The following TRPM7 variants were observed in gnomAD, a reference collection of about 807,000 sequenced individuals.
TRPM7 encodes transient receptor potential cation channel subfamily M member 7, also known as LTRPC ion channel family member 7.
TRPM7 carries 134 observed loss-of-function variants against 229.7 expected under a neutral mutation model. The ratio of observed to expected loss-of-function variants is 0.58; its 90% confidence interval spans 0.51 to 0.67. TRPM7 has a LOEUF of 0.67. TRPM7 is among the 30% of genes least tolerant of loss of function. TRPM7 has a pLI of 0.00. For missense variants in TRPM7, 1,901 were observed against 2,210.0 expected, an observed-to-expected ratio of 0.86 and a Z score of 2.80; for synonymous variants, 699 against 715.2, an observed-to-expected ratio of 0.98 and a Z score of 0.36.
At position 50,679,132 on chromosome 15, in the gene TRPM7, AAAG is replaced by A. The variant is rs1259177223; in HGVS notation, c.3+7396_3+7398del. 2.8e-4 allele frequency among the ~76,000 whole-genome samples: 41 copies of A among 145,958 alleles called. 4 individuals are homozygous for A. Among genetic ancestry groups the A allele is most frequent in the African/African-American group, 9.2e-4 (36 of 38,966 alleles). On this transcript the variant is annotated intron_variant, in intron 1 of 38. Transcript: ENST00000646667. ...GGTGATCCACCCGCCTCAGCCTTCC[AAAG>A]TGCTGGGATTACAGGCATTAACCAC...
chr15:50,578,806 C>A, intron 30 of TRPM7, 142 bp from the exon 31 acceptor site: 1 of 397,576 alleles, frequency 2.5e-6, no homozygotes. Flanking sequence ...GAATATTTGC[C>A]ATTTCCCTTA....
chr15:50,582,134 G>T (rs1055749246), intron 29 of TRPM7, among the ~76,000 whole-genome samples: 3 of 151,926 alleles, frequency 2.0e-5, no homozygotes, highest in Non-Finnish European at 2.9e-5. Context: ...GATAAGTTTT[G>T]ATTTTTAGTA....
At chr15:50,608,017 T>G (rs1359763966) in intron 19 of TRPM7, among the ~76,000 whole-genome samples, 3 of 142,240 alleles carry the variant, frequency 2.1e-5, no homozygotes, top group Admixed American at 1.5e-4. Context: ...ATCATGCCAT[T>G]GTACTCTAGC....
chr15:50,680,189 G>A (rs1182573178), intron 1 of TRPM7, among the ~76,000 whole-genome samples: 1 of 151,868 alleles, frequency 6.6e-6, no homozygotes, highest in Non-Finnish European at 1.5e-5. Context: ...AGCTGAGATT[G>A]TGCCACTGCA....
chr15:50,564,723 C>T (rs985532529), intron 38 of TRPM7, among the ~76,000 whole-genome samples: 1 of 151,982 alleles, frequency 6.6e-6, no homozygotes, highest in Non-Finnish European at 1.5e-5. Flanking sequence ...CTCACTGAAT[C>T]ATAAACTGTT....
Position 50,628,268 on chromosome 15 carries a change from T to C in TRPM7, c.1205-19A>G, listed in dbSNP as rs2060626576. ...TTAGTACCTAATCGAATAAAGAAAA[T>C]AGTTGACAGGTTCAATTAATTTATC... On this transcript the variant is annotated intron_variant, in intron 10 of 38. Coordinates refer to ENST00000646667, the MANE Select transcript of TRPM7 (RefSeq NM_017672.6). 1.3e-6 allele frequency: 2 copies of C among 1,534,768 alleles called. No individual in the cohort carries two copies. Among genetic ancestry groups the C allele is most frequent in the African/African-American group, 1.4e-5 (1 of 72,640 alleles).
intron 10 of TRPM7, among the ~76,000 whole-genome samples, chr15:50,630,597 T>C (rs974421472): frequency 6.6e-6 from 1 of 152,338 alleles, no homozygotes; most frequent in East Asian, 1.9e-4. Flanking sequence ...AGATGACATG[T>C]TTTAAAATCC....
In TRPM7 at chr15:50,668,680, G is replaced by A. The variant is rs147798132; in HGVS notation, c.4-5634C>T. On this transcript the variant is annotated intron_variant, in intron 1 of 38. Transcript: ENST00000646667. ...CCGCCACCACACCAAGCTACTTTTT[G>A]TATCTTTAGTAGAAACAGGTTTTCA... is the stretch of plus-strand genomic sequence containing the variant. 3.9e-5 allele frequency among the ~76,000 whole-genome samples: 6 copies of A among 152,132 alleles called. No homozygotes were observed. In the East Asian group the frequency reaches 1.2e-3, roughly 29 times the overall value.
At chr15:50,596,224 C>A in intron 23 of TRPM7, 31 bp downstream of exon 23, 1 of 1,402,344 alleles carries the variant, frequency 7.1e-7, no homozygotes, top group South Asian at 1.6e-5. Context: ...ATTAAATCAT[C>A]TTATAACAAA....
rs1187119084 is a variant in TRPM7 at position 50,617,339 on chromosome 15, A to G, written c.1494+2406T>C. Among the ~76,000 whole-genome samples, 11 of 150,810 alleles carry G rather than the reference A, an allele frequency of 7.3e-5. 1 individual carries two copies. In the East Asian group the frequency reaches 2.2e-3, roughly 29 times the overall value. The stretch of plus-strand genomic sequence containing the variant: ...CAACAGACCAAGACTCCATCTCAAA[A>G]AAAAAAAAAACAAATCAGTCAGGCT... On this transcript the variant is annotated intron_variant, in intron 13 of 38. Transcript: ENST00000646667.
intron 1 of TRPM7, among the ~76,000 whole-genome samples, chr15:50,667,200 C>T (rs2061905718): frequency 6.6e-6 from 1 of 152,186 alleles, no homozygotes; most frequent in African/African-American, 2.4e-5. Context: ...GAGAAACATG[C>T]TCTTGGCCCC....
chr15:50,629,422 G>T (rs1404993605), intron 10 of TRPM7, among the ~76,000 whole-genome samples: 1 of 149,474 alleles, frequency 6.7e-6, no homozygotes, highest in Non-Finnish European at 1.5e-5. Flanking sequence ...ACTGGTGTAT[G>T]GCACCACACC....
chr15:50,612,853 A>C, intron 15 of TRPM7, 24 bp from the exon 16 acceptor site: 5 of 1,591,172 alleles, frequency 3.1e-6, no homozygotes, highest in Non-Finnish European at 4.3e-6. Context: ...TAAAGTTATA[A>C]AGCTCATTAT....
rs375551567 is a variant in TRPM7, at chr15:50,599,491, TA to T, written c.2989-196del. The T allele has an allele frequency of 6.7e-3, 2,805 of 420,432 alleles. 75 individuals are homozygous for T. The highest frequency in any genetic ancestry group is 0.051 in the African/African-American group (2,490 of 48,960). 26.0% of individuals were successfully genotyped at this position (420,432 alleles called of 1,614,324 possible). On this transcript the variant is annotated intron_variant, in intron 21 of 38. Transcript: ENST00000646667. ...AAATCTTAACATCTAGGAGATTACG[TA>T]AAAAAAAATCTATTAAGCTAAGCAA...
At chr15:50,569,128 G>A (rs1474483608) in intron 38 of TRPM7, among the ~76,000 whole-genome samples, 3 of 151,960 alleles carry the variant, frequency 2.0e-5, no homozygotes, top group Non-Finnish European at 4.4e-5. Flanking sequence ...TTGAACTCCT[G>A]AGCTCAAGCG....
chr15:50,588,475 A>G (rs914577639), intron 27 of TRPM7, among the ~76,000 whole-genome samples: 10 of 152,216 alleles, frequency 6.6e-5, no homozygotes, highest in African/African-American at 2.4e-4. Context: ...ATAAAAATGC[A>G]TTTGAGTCTA....
At chr15:50,637,773 A>C (rs1469642774) in intron 6 of TRPM7, among the ~76,000 whole-genome samples, 180 bp from the exon 7 acceptor site, 2 of 152,282 alleles carry the variant, frequency 1.3e-5, no homozygotes, top group African/African-American at 4.8e-5. Context: ...CTGAGGATTA[A>C]TCATTAATGG....
intron 7 of TRPM7, among the ~76,000 whole-genome samples, 164 bp downstream of exon 7, chr15:50,637,258 C>T (rs1441584901): frequency 2.0e-5 from 3 of 151,512 alleles, no homozygotes; most frequent in Non-Finnish European, 4.4e-5. Flanking sequence ...ACTTCTTTTC[C>T]TTGGTCTTAT....
At chr15:50,616,971 A>G (rs1277896536) in intron 13 of TRPM7, among the ~76,000 whole-genome samples, 1 of 151,986 alleles carries the variant, frequency 6.6e-6, no homozygotes, top group Non-Finnish European at 1.5e-5. Flanking sequence ...TAATTTGTGA[A>G]ATGTATTTCA....
Sources: allele counts gnomAD v4.1 joint callset (sites outside exome capture counted in the v4.1 genomes callset), GRCh38; gene constraint gnomAD v4.1.1; transcripts MANE v1.5; gene names NCBI Gene and HGNC (gene_info 2026-07-23, HGNC 2026-07-21).